Variants in EYS observed in about 807,000 individuals in gnomAD.
The protein encoded by EYS is EGF-like photoreceptor maintenance factor.
Under a neutral mutation model 282.1 loss-of-function variants are expected in EYS, and 250 were observed. The ratio of observed to expected loss-of-function variants is 0.89; its 90% CI spans 0.80 to 0.98. The LOEUF (loss-of-function observed/expected upper bound fraction) is 0.98. Ranked by LOEUF, EYS falls within the 50% of genes least tolerant of loss-of-function variation. The probability of loss-of-function intolerance (pLI) is 0.00; values close to 1 mark genes in which losing one functional copy is unlikely to be tolerated. For synonymous variants in EYS, 1,355 were observed against 1,282.9 expected, an observed-to-expected ratio of 1.06 and a Z score of -1.20; for missense variants, 4,016 against 3,709.0, an observed-to-expected ratio of 1.08 and a Z score of -2.15.
At chr6:64,472,739 T>C (rs1776155698) in intron 26 of EYS, among the ~76,000 whole-genome samples, 1 of 152,094 alleles carries the variant, frequency 6.6e-6, no homozygotes, top group Non-Finnish European at 1.5e-5. Context: ...TGACACTTAT[T>C]CATAAAAAAT....
Position 64,388,831 on chromosome 6 carries a change from C to G in EYS, c.5937G>C (p.Leu1979Phe). 1 of 1,500,806 alleles carries G rather than the reference C, an allele frequency of 6.7e-7. No homozygotes were observed. The highest frequency in any genetic ancestry group is 8.9e-7 in the Non-Finnish European group (1 of 1,124,624). 93.0% of individuals were successfully genotyped at this position (1,500,806 alleles called of 1,614,324 possible). ...QKYTLLIRQE[L>F]DPCNAELTIL... ...TAGTCAGCTCAGCGTTACATGGATC[C>G]AATTCTTGCCTGTAACCATTTAAGA... Residue 1979 changes from leucine (L) to phenylalanine (F), a missense_variant, in exon 29 of 43, where the codon TTG becomes TTC. By Grantham distance (22) the Leu-to-Phe change is conservative. Transcript: ENST00000503581.
rs541358791 is a variant in EYS at position 64,705,133 on chromosome 6, C to T, written c.3444-78888G>A. On this transcript the variant is annotated intron_variant, in intron 22 of 42. Coordinates refer to ENST00000503581, the MANE Select transcript of EYS (RefSeq NM_001142800.2). ...CTGATAAATAAATTCAACAAAGTTT[C>T]AGGATAAAAGATTAATGTACACAAA... Among the ~76,000 whole-genome samples the T allele has an allele frequency of 2.0e-5, 3 of 152,284 alleles. No individual in the cohort carries two copies. The South Asian group carries it at 6.2e-4, about 32-fold the overall frequency.
At chr6:63,790,194 A>G (rs1770474755) in intron 37 of EYS, among the ~76,000 whole-genome samples, 1 of 152,182 alleles carries the variant, frequency 6.6e-6, no homozygotes, top group South Asian at 2.1e-4. Flanking sequence ...TATTATGAGT[A>G]TGCACAGCCT....
At chr6:65,524,389 C>T (rs1347863866) in intron 2 of EYS, among the ~76,000 whole-genome samples, 1 of 152,128 alleles carries the variant, frequency 6.6e-6, no homozygotes, top group Non-Finnish European at 1.5e-5. Context: ...GTCACAGAAA[C>T]AGGAAGTAAG....
chr6:64,165,723 A>T (rs1764268309), intron 31 of EYS, among the ~76,000 whole-genome samples: 2 of 152,162 alleles, frequency 1.3e-5, no homozygotes, highest in South Asian at 4.1e-4. Context: ...ATTCCCATTA[A>T]TATGGCTCCA....
intron 5 of EYS, among the ~76,000 whole-genome samples, chr6:65,456,101 A>T (rs1174052699): frequency 2.6e-5 from 4 of 152,042 alleles, no homozygotes; most frequent in Admixed American, 2.0e-4. Flanking sequence ...CATATCTCTG[A>T]GGGACACAGA....
At chr6:64,834,535 C>T (rs1333211793) in intron 19 of EYS, among the ~76,000 whole-genome samples, 1 of 151,736 alleles carries the variant, frequency 6.6e-6, no homozygotes, top group Non-Finnish European at 1.5e-5. Flanking sequence ...AATCCAGTGA[C>T]CTAGTTAATT....
At chr6:65,015,615 A>G (rs1031327721) in intron 13 of EYS, among the ~76,000 whole-genome samples, 2 of 152,172 alleles carry the variant, frequency 1.3e-5, no homozygotes, top group African/African-American at 2.4e-5. Context: ...TCTTAAATTA[A>G]TGTTAAGAAG....
At chr6:64,564,890 G>C (rs1765516695) in intron 26 of EYS, among the ~76,000 whole-genome samples, 1 of 152,074 alleles carries the variant, frequency 6.6e-6, no homozygotes, top group South Asian at 2.1e-4. Context: ...GGTGTGTGGT[G>C]ATACCTTACT....
chr6:63,770,559 A>C (rs1769905238), intron 40 of EYS, among the ~76,000 whole-genome samples: 1 of 152,174 alleles, frequency 6.6e-6, no homozygotes, highest in Non-Finnish European at 1.5e-5. Context: ...CTAGTTCTGC[A>C]TATATAACTT....
chr6:63,980,532 A>T (rs887530360), intron 35 of EYS, among the ~76,000 whole-genome samples: 2 of 151,906 alleles, frequency 1.3e-5, no homozygotes, highest in East Asian at 3.9e-4. Context: ...TATTCTGAAC[A>T]TAAACAGTCT....
At chr6:64,395,352 A>T (rs76586288) in intron 28 of EYS, among the ~76,000 whole-genome samples, 42,176 of 152,024 alleles carry the variant, frequency 0.28, 5,974 homozygotes, top group East Asian at 0.46. Flanking sequence ...TTGCAGCATT[A>T]TTCACAATAG....
intron 30 of EYS, among the ~76,000 whole-genome samples, chr6:64,236,988 C>A (rs1207958052): frequency 6.6e-6 from 1 of 152,004 alleles, no homozygotes; most frequent in Non-Finnish European, 1.5e-5. Flanking sequence ...ATCCTGGCAT[C>A]ATAAACTCTT....
chr6:64,151,552 G>T (rs1279401693), intron 31 of EYS, among the ~76,000 whole-genome samples: 1 of 151,042 alleles, frequency 6.6e-6, no homozygotes, highest in Non-Finnish European at 1.5e-5. Context: ...AGTAGAGACG[G>T]GGTTTCACCA....
intron 26 of EYS, among the ~76,000 whole-genome samples, chr6:64,452,708 A>G (rs533339685): frequency 6.6e-6 from 1 of 152,200 alleles, no homozygotes; most frequent in Non-Finnish European, 1.5e-5. Context: ...AATGCCGCAT[A>G]TCTACAACCA....
chr6:64,431,395 G>T (rs1242534786), intron 28 of EYS, among the ~76,000 whole-genome samples: 1 of 152,086 alleles, frequency 6.6e-6, no homozygotes, highest in East Asian at 1.9e-4. Context: ...CACATTCTGA[G>T]CTGCTGAGGG....
Position 64,250,430 on chromosome 6 carries a change from C to T in EYS, c.6192-19606G>A, listed in dbSNP as rs527576592. 2.6e-5 allele frequency among the ~76,000 whole-genome samples: 4 copies of T among 152,212 alleles called. No individual in the cohort carries two copies. The South Asian group carries it at 8.3e-4, about 31-fold the overall frequency. The stretch of plus-strand genomic sequence containing the variant: ...AATAATCATTTCTCTAAAGAGAAAA[C>T]CTTACAGCTATTACAAATGCCTACT... On this transcript the variant is annotated intron_variant, in intron 30 of 42. Coordinates refer to ENST00000503581, the MANE Select transcript of EYS (RefSeq NM_001142800.2).
At chr6:64,522,456 C>A (rs371633264) in intron 26 of EYS, among the ~76,000 whole-genome samples, 2 of 151,680 alleles carry the variant, frequency 1.3e-5, no homozygotes, top group African/African-American at 4.8e-5. Flanking sequence ...GTCCAACCTG[C>A]ATCCAGAGTA....
intron 33 of EYS, among the ~76,000 whole-genome samples, chr6:64,027,910 A>G (rs923808962): frequency 6.6e-6 from 1 of 152,186 alleles, no homozygotes; most frequent in African/African-American, 2.4e-5. Flanking sequence ...TTCCTCCTGG[A>G]CACTGGCACA....
Sources: allele counts gnomAD v4.1 joint callset (sites outside exome capture counted in the v4.1 genomes callset), GRCh38; gene constraint gnomAD v4.1.1; transcripts MANE v1.5; gene names NCBI Gene and HGNC (gene_info 2026-07-23, HGNC 2026-07-21).